The following RNPC3 variants were observed in gnomAD, a reference collection of about 807,000 sequenced individuals.
RNPC3 encodes the protein RNA binding region (RNP1, RRM) containing 3.
A neutral mutation model predicts 67.5 loss-of-function variants in RNPC3; 48 were observed. That is an observed-to-expected ratio of 0.71 (90% CI 0.56 to 0.90). The LOEUF is 0.90. Ranked by LOEUF, RNPC3 falls within the 40% of genes least tolerant of loss-of-function variation. The probability of loss-of-function intolerance (pLI) is 0.00; values close to 1 mark genes in which losing one functional copy is unlikely to be tolerated. For synonymous variants in RNPC3, 239 were observed against 210.3 expected (o/e 1.14, Z -1.18); for missense variants, 637 against 626.1 (o/e 1.02, Z -0.19).
chr1:103,549,237 A>T (rs941625834), intron 12 of RNPC3, among the ~76,000 whole-genome samples: 3 of 152,256 alleles, frequency 2.0e-5, no homozygotes, highest in African/African-American at 7.2e-5. Context: ...AAGAAGAAGT[A>T]GAAAAGGTAA....
Position 103,545,260 on chromosome 1 carries a change from A to T in RNPC3, c.1207+158A>T, listed in dbSNP as rs1016860931. The T allele has an allele frequency of 2.7e-4, 156 of 567,594 alleles. 3 individuals are homozygous for T. In the East Asian group the frequency reaches 4.5e-3, roughly 16 times the overall value. 35.2% of individuals were successfully genotyped at this position (567,594 alleles called of 1,614,324 possible). A position where few individuals can be genotyped will look rare whatever the true frequency, so the allele number is the denominator to read the frequency against. ...TGTAATCACTTCTTCTGTTTTTTTT[A>T]AATACTCATACTTTATAGTGGAGGG... On this transcript the variant is annotated intron_variant, in intron 10 of 14. Transcript: ENST00000423855.
chr1:103,527,889 G>A (rs1650756997), intron 2 of RNPC3, 147 bp downstream of exon 2: 5 of 605,268 alleles, frequency 8.3e-6, no homozygotes, highest in Non-Finnish European at 1.4e-5. Context: ...TTTGTCAGTT[G>A]GCAGATCTTG....
Position 103,546,284 on chromosome 1 carries a change from C to A in RNPC3, c.1244C>A (p.Pro415Gln). 1 of 1,461,884 alleles carries A rather than the reference C, an allele frequency of 6.8e-7. No individual in the cohort carries two copies. The highest frequency in any genetic ancestry group is 1.4e-5 in the South Asian group (1 of 70,342). The allele number at this position is 1,461,884 out of a possible 1,614,324, so 90.6% of individuals were successfully genotyped here. A position where few individuals can be genotyped will look rare whatever the true frequency, so the allele number is the denominator to read the frequency against. ...CTTTCAGTTTTCAGAAGTTATGAACCGGGTGAACCAAACTGTAGAATTTAT... is the reference window on the plus strand; with the variant it reads ...CTTTCAGTTTTCAGAAGTTATGAACAGGGTGAACCAAACTGTAGAATTTAT... ...ETLSVFRSYEPGEPNCRIYVK... is the reference protein window; with the variant it reads ...ETLSVFRSYEQGEPNCRIYVK... Residue 415 changes from proline (P) to glutamine (Q), a missense_variant, in exon 11 of 15, where the codon CCG becomes CAG. By Grantham distance (76) the Pro-to-Gln change is moderately conservative. Coordinates refer to ENST00000423855, the MANE Select transcript of RNPC3 (RefSeq NM_017619.4).
chr1:103,547,418 T>C (rs992116331), intron 12 of RNPC3, among the ~76,000 whole-genome samples: 3 of 152,152 alleles, frequency 2.0e-5, no homozygotes, highest in Non-Finnish European at 4.4e-5. Context: ...AATACATGGT[T>C]CTCAGACTTT....
Position 103,543,295 on chromosome 1 carries a change from G to T in RNPC3, c.894-1G>T. On this transcript the variant is annotated splice_acceptor_variant, in intron 8 of 14. Transcript: ENST00000423855. LOFTEE classifies it high-confidence loss of function. The stretch of plus-strand genomic sequence containing the variant: ...CTAATGCTATGATTGTTTTTAAATA[G>T]CAGTTTACATCCAGTGCTGTTACCT... 1 of 1,405,664 alleles carries T rather than the reference G, an allele frequency of 7.1e-7. No individual in the cohort carries two copies. The highest frequency in any genetic ancestry group is 1.6e-5 in the South Asian group (1 of 62,814). 87.1% of individuals were successfully genotyped at this position (1,405,664 alleles called of 1,614,324 possible). A position where few individuals can be genotyped will look rare whatever the true frequency, so the allele number is the denominator to read the frequency against.
At chr1:103,552,038 C>A in intron 14 of RNPC3, 1 of 284,280 alleles carries the variant, frequency 3.5e-6, no homozygotes, top group South Asian at 7.8e-5. Context: ...CTTTTTTTAA[C>A]TTTTTCTGCC....
intron 2 of RNPC3, among the ~76,000 whole-genome samples, chr1:103,529,305 G>A (rs1047476873): frequency 3.3e-5 from 5 of 151,974 alleles, no homozygotes; most frequent in African/African-American, 1.2e-4. Flanking sequence ...ATAATACATT[G>A]TAAATAAAGT....
intron 7 of RNPC3, among the ~76,000 whole-genome samples, chr1:103,540,401 G>A (rs1275869170): frequency 1.3e-5 from 2 of 152,128 alleles, no homozygotes; most frequent in Admixed American, 1.3e-4. Flanking sequence ...TGCTCAACCT[G>A]TACTATTCAT....
intron 5 of RNPC3, 24 bp downstream of exon 5, chr1:103,535,465 A>T: frequency 7.1e-7 from 1 of 1,415,896 alleles, no homozygotes; most frequent in Non-Finnish European, 9.6e-7. Flanking sequence ...AACTTTTCCT[A>T]AAAGGACTTG....
rs1177265560 is a variant in RNPC3, at chr1:103,525,805, T to G, written c.-266T>G. 9.8e-6 allele frequency: 4 copies of G among 408,910 alleles called. No individual in the cohort carries two copies. Among genetic ancestry groups the G allele is most frequent in the East Asian group, 4.3e-5 (1 of 23,038 alleles). 25.3% of individuals were successfully genotyped at this position (408,910 alleles called of 1,614,324 possible). A position where few individuals can be genotyped will look rare whatever the true frequency, so the allele number is the denominator to read the frequency against. ...CAACTTGTGTTAACCCTCGCACATCTCTGGGCCAATTTTTGCTTGTAAGTC... is the reference window on the plus strand; with the variant it reads ...CAACTTGTGTTAACCCTCGCACATCGCTGGGCCAATTTTTGCTTGTAAGTC... On this transcript the variant is annotated 5_prime_UTR_variant, in exon 1 of 15. Coordinates refer to ENST00000423855, the MANE Select transcript of RNPC3 (RefSeq NM_017619.4).
intron 1 of RNPC3, among the ~76,000 whole-genome samples, chr1:103,526,655 A>G (rs1210601364): frequency 1.3e-5 from 2 of 152,204 alleles, no homozygotes; most frequent in South Asian, 2.1e-4. Context: ...TTATAAGCCA[A>G]TGTTAAATCG....
intron 14 of RNPC3, 30 bp downstream of exon 14, chr1:103,551,822 C>A: frequency 7.6e-6 from 8 of 1,056,508 alleles, no homozygotes; most frequent in South Asian, 1.6e-5. Flanking sequence ...AATAAAAAGA[C>A]AAGACTAATT....
chr1:103,550,128 C>T (rs1411164680), intron 12 of RNPC3, among the ~76,000 whole-genome samples: 1 of 151,988 alleles, frequency 6.6e-6, no homozygotes, highest in African/African-American at 2.4e-5. Flanking sequence ...CACGCCACTG[C>T]ACTCCAGCCT....
intron 2 of RNPC3, among the ~76,000 whole-genome samples, chr1:103,529,030 T>C (rs1006262651): frequency 1.3e-5 from 2 of 152,156 alleles, no homozygotes; most frequent in African/African-American, 4.8e-5. Flanking sequence ...TCAAATGGTA[T>C]GTGTTAATAT....
chr1:103,546,477 G>A (rs543886371), intron 11 of RNPC3, 135 bp downstream of exon 11: 29 of 447,606 alleles, frequency 6.5e-5, no homozygotes, highest in Admixed American at 2.9e-4. Flanking sequence ...ACAAATTATT[G>A]TTTAGTATTT....
intron 2 of RNPC3, among the ~76,000 whole-genome samples, chr1:103,531,985 C>T (rs1220367627): frequency 2.0e-5 from 3 of 152,102 alleles, no homozygotes; most frequent in Admixed American, 2.0e-4. Context: ...GTCCTTGATC[C>T]ATCTTGAGTT....
intron 8 of RNPC3, 30 bp from the exon 9 acceptor site, chr1:103,543,266 C>T: frequency 7.4e-7 from 1 of 1,345,462 alleles, no homozygotes; most frequent in South Asian, 1.8e-5. Flanking sequence ...TTTGCAATTA[C>T]AAACTAATGC....
At chr1:103,533,579 G>A (rs1462564764) in intron 2 of RNPC3, among the ~76,000 whole-genome samples, 160 bp from the exon 3 acceptor site, 2 of 151,068 alleles carry the variant, frequency 1.3e-5, no homozygotes, top group Non-Finnish European at 3.0e-5. Flanking sequence ...CCTTTAATAA[G>A]TAATAAAGGC....
At chr1:103,535,935 AT>A (rs1238467609) in intron 5 of RNPC3, among the ~76,000 whole-genome samples, 190 bp from the exon 6 acceptor site, 1 of 152,114 alleles carries the variant, frequency 6.6e-6, no homozygotes, top group Non-Finnish European at 1.5e-5. Context: ...TAGAATTGAC[AT>A]TTTAGGAAGG....
Sources: gnomAD v4.1 joint callset for allele counts (sites outside exome capture counted in the v4.1 genomes callset) on GRCh38, gnomAD v4.1.1 for gene constraint, MANE v1.5 for transcripts, NCBI Gene and HGNC (gene_info 2026-07-23, HGNC 2026-07-21) for gene names.